Variants in GRIP1 observed in about 807,000 individuals in gnomAD.
GRIP1 encodes glutamate receptor-interacting protein 1.
In GRIP1, 45 loss-of-function variants were observed where a neutral mutation model predicts 129.9. The ratio of observed to expected loss-of-function variants is 0.35; its 90% CI spans 0.27 to 0.44. The LOEUF is 0.44. Ranked by LOEUF, GRIP1 falls within the 20% of genes least tolerant of loss-of-function variation. The pLI is 1.00. For synonymous variants in GRIP1, 530 were observed against 520.8 expected (o/e 1.02, Z -0.24); for missense variants, 1,196 against 1,396.8 (o/e 0.86, Z 2.29).
chr12:66,540,697 A>G (rs1418286510), intron 3 of GRIP1, among the ~76,000 whole-genome samples: 2 of 152,214 alleles, frequency 1.3e-5, no homozygotes, highest in Admixed American at 1.3e-4. Context: ...TTTATGGGGC[A>G]AGAACTCAGA....
At chr12:67,045,011 G>A (rs2043232365) in intron 1 of GRIP1, among the ~76,000 whole-genome samples, 1 of 152,164 alleles carries the variant, frequency 6.6e-6, no homozygotes. Context: ...ATGCACCTAA[G>A]TTCACATAGC....
chr12:66,484,319 C>G (rs1009869781), intron 7 of GRIP1, among the ~76,000 whole-genome samples: 2 of 152,244 alleles, frequency 1.3e-5, no homozygotes, highest in East Asian at 3.9e-4. Flanking sequence ...TATTGTATTT[C>G]ATGAGGTGAC....
At chr12:66,769,878 ATAAG>A (rs2037764100) in intron 1 of GRIP1, among the ~76,000 whole-genome samples, 1 of 152,208 alleles carries the variant, frequency 6.6e-6, no homozygotes, top group Non-Finnish European at 1.5e-5. Context: ...CTCAGGTTTA[ATAAG>A]TAAGAGCTAG....
intron 1 of GRIP1, among the ~76,000 whole-genome samples, chr12:66,879,397 G>A (rs529245365): frequency 1.3e-5 from 2 of 152,040 alleles, no homozygotes; most frequent in Admixed American, 6.6e-5. Flanking sequence ...GTGGAAGGGG[G>A]TATTATTTCT....
intron 1 of GRIP1, among the ~76,000 whole-genome samples, chr12:66,744,555 T>C (rs372951377): frequency 1.3e-5 from 2 of 152,288 alleles, no homozygotes. Flanking sequence ...GAATAATAGT[T>C]CCTGATTGTG....
chr12:66,538,069 G>A (rs1482207742), intron 4 of GRIP1, among the ~76,000 whole-genome samples: 2 of 152,178 alleles, frequency 1.3e-5, no homozygotes, highest in African/African-American at 4.8e-5. Flanking sequence ...GTTAGGAGTA[G>A]TGTGATGATA....
intron 1 of GRIP1, among the ~76,000 whole-genome samples, chr12:67,021,454 T>C (rs1168855501): frequency 6.6e-6 from 1 of 152,216 alleles, no homozygotes; most frequent in Non-Finnish European, 1.5e-5. Context: ...ATATCAATAG[T>C]TAATTTTTTA....
intron 1 of GRIP1, among the ~76,000 whole-genome samples, chr12:66,861,442 G>A (rs1179154818): frequency 5.9e-5 from 9 of 152,072 alleles, no homozygotes; most frequent in Admixed American, 5.9e-4. Flanking sequence ...TTACACAAAC[G>A]AAGGCAACTT....
chr12:66,517,535 A>G (rs528937075), intron 6 of GRIP1, among the ~76,000 whole-genome samples: 2 of 152,182 alleles, frequency 1.3e-5, no homozygotes, highest in Non-Finnish European at 2.9e-5. Context: ...CATTTCCAGC[A>G]TCTGCCTAAA....
At chr12:66,635,095 C>A (rs1044875475) in intron 1 of GRIP1, among the ~76,000 whole-genome samples, 1 of 152,066 alleles carries the variant, frequency 6.6e-6, no homozygotes, top group African/African-American at 2.4e-5. Flanking sequence ...AATGGAATTT[C>A]AAATTTAACC....
intron 2 of GRIP1, among the ~76,000 whole-genome samples, chr12:66,581,698 A>G (rs995704556): frequency 6.6e-6 from 1 of 152,160 alleles, no homozygotes; most frequent in African/African-American, 2.4e-5. Flanking sequence ...TCCCAAGACT[A>G]AACCAGGAAG....
chr12:66,924,108 G>T (rs986655077), intron 1 of GRIP1, among the ~76,000 whole-genome samples: 1 of 152,108 alleles, frequency 6.6e-6, no homozygotes. Flanking sequence ...GCCTCCCAAA[G>T]TGCTGGGATT....
At chr12:66,698,233 T>C (rs538149842) in intron 1 of GRIP1, among the ~76,000 whole-genome samples, 1 of 152,284 alleles carries the variant, frequency 6.6e-6, no homozygotes, top group Non-Finnish European at 1.5e-5. Context: ...CTGAAAAGAA[T>C]TAACATGTCA....
Position 66,539,544 on chromosome 12 carries a change from G to GTTTTTTT in GRIP1, c.273-322_273-321insAAAAAAA, listed in dbSNP as rs1250833017. Among the ~76,000 whole-genome samples, 49 of 67,664 alleles carry GTTTTTTT rather than the reference G, an allele frequency of 7.2e-4. 1 individual carries two copies. Among genetic ancestry groups the GTTTTTTT allele is most frequent in the African/African-American group, 2.9e-3 (47 of 16,298 alleles). The allele number at this position is 67,664 out of a possible 152,430, so 44.4% of individuals were successfully genotyped here. A position where few individuals can be genotyped will look rare whatever the true frequency, so the allele number is the denominator to read the frequency against. On this transcript the variant is annotated intron_variant, in intron 3 of 24. Transcript: ENST00000359742. ...GCACCATAAAACAAAATCAAGAGAA[G>GTTTTTTT]CTTTTTTTTTTTTTTTTTTTTTTTT...
chr12:66,858,884 G>A (rs1377642047), intron 1 of GRIP1, among the ~76,000 whole-genome samples: 1 of 151,618 alleles, frequency 6.6e-6, no homozygotes, highest in East Asian at 1.9e-4. Flanking sequence ...GCATTAATTT[G>A]GTGACTTTTT....
At chr12:66,995,279 T>A (rs1450056166) in intron 1 of GRIP1, among the ~76,000 whole-genome samples, 2 of 150,960 alleles carry the variant, frequency 1.3e-5, no homozygotes, top group East Asian at 3.9e-4. Context: ...ACTGTGACAC[T>A]AGGTTAGGCA....
intron 13 of GRIP1, among the ~76,000 whole-genome samples, chr12:66,441,737 C>T (rs768638643): frequency 1.1e-4 from 17 of 152,158 alleles, no homozygotes; most frequent in Non-Finnish European, 1.8e-4. Context: ...ACATGCTTAT[C>T]TTTTTTCTCT....
chr12:66,953,614 G>A (rs548557906), intron 1 of GRIP1, among the ~76,000 whole-genome samples: 28 of 152,254 alleles, frequency 1.8e-4, no homozygotes, highest in African/African-American at 6.5e-4. Context: ...TTTTAGAAAT[G>A]CTATCACCAA....
intron 1 of GRIP1, among the ~76,000 whole-genome samples, chr12:66,622,228 G>A (rs1825284698): frequency 6.6e-6 from 1 of 151,958 alleles, no homozygotes; most frequent in Admixed American, 6.6e-5. Flanking sequence ...CTTGAGTTAT[G>A]CTACAAGTCA....
Sources: allele counts gnomAD v4.1 joint callset (sites outside exome capture counted in the v4.1 genomes callset), GRCh38; gene constraint gnomAD v4.1.1; transcripts MANE v1.5; gene names NCBI Gene and HGNC (gene_info 2026-07-23, HGNC 2026-07-21).